Variants in ADAMTS2 observed in about 807,000 individuals in gnomAD.
ADAMTS2 encodes the protein ADAM metallopeptidase with thrombospondin type 1 motif 2, also known as A disintegrin and metalloproteinase with thrombospondin motifs 2.
A neutral mutation model predicts 123.0 loss-of-function variants in ADAMTS2; 50 were observed. The observed-to-expected ratio is 0.41, with a 90% CI of 0.32 to 0.51. The LOEUF (loss-of-function observed/expected upper bound fraction) is 0.51. Among genes scored for constraint, ADAMTS2 ranks in the 20% least tolerant of loss-of-function variants. The probability of loss-of-function intolerance (pLI) is 0.35; values close to 1 mark genes in which losing one functional copy is unlikely to be tolerated. For missense variants in ADAMTS2, 1,494 were observed against 1,705.2 expected (o/e 0.88, Z 2.18); for synonymous variants, 678 against 695.4 (o/e 0.98, Z 0.39).
chr5:179,207,475 T>TGGCC, intron 4 of ADAMTS2, 38 bp downstream of exon 4: 4 of 588,616 alleles, frequency 6.8e-6, no homozygotes, highest in Non-Finnish European at 6.4e-6. Context: ...TGGTTGACCC[T>TGGCC]CCCCGCCCCA....
chr5:179,289,819 G>A (rs1454013231), intron 2 of ADAMTS2, among the ~76,000 whole-genome samples: 1 of 152,190 alleles, frequency 6.6e-6, no homozygotes, highest in Admixed American at 6.5e-5. Context: ...TGACAGTCCT[G>A]CCAGAAACAC....
At chr5:179,246,647 T>C (rs576315091) in intron 3 of ADAMTS2, among the ~76,000 whole-genome samples, 4 of 152,178 alleles carry the variant, frequency 2.6e-5, no homozygotes, top group Admixed American at 1.3e-4. Context: ...TCTGTACAAG[T>C]AGGAAGTGAA....
Position 179,189,371 on chromosome 5 carries a change from G to C in ADAMTS2, c.892-8216C>G, listed in dbSNP as rs762722684. On this transcript the variant is annotated intron_variant, in intron 4 of 21. Coordinates refer to ENST00000251582, the MANE Select transcript of ADAMTS2 (RefSeq NM_014244.5). This position sits in a 1 kb window ranked among gnomAD's most constrained non-coding sequence, Gnocchi z 4.2. The stretch of plus-strand genomic sequence containing the variant: ...AGCAATTTTTTTTTTTTTTTGAGAC[G>C]GAGTCTCTCTCTGTTGCCCAGGTTG... Among the ~76,000 whole-genome samples the C allele has an allele frequency of 6.6e-6, 1 of 150,920 alleles. No homozygotes were observed. Among genetic ancestry groups the C allele is most frequent in the Non-Finnish European group, 1.5e-5 (1 of 67,774 alleles).
intron 5 of ADAMTS2, among the ~76,000 whole-genome samples, chr5:179,164,380 G>A (rs933766845): frequency 2.6e-5 from 4 of 152,208 alleles, no homozygotes; most frequent in Non-Finnish European, 5.9e-5. Context: ...GGATAGAAGG[G>A]GACAGTGTGG....
intron 2 of ADAMTS2, among the ~76,000 whole-genome samples, chr5:179,296,966 C>T (rs1356482353): frequency 1.3e-5 from 2 of 152,154 alleles, no homozygotes; most frequent in Non-Finnish European, 2.9e-5. Flanking sequence ...ACTGCAAACC[C>T]AGAAAGCAGG....
At chr5:179,220,654 C>T (rs2113404991) in intron 3 of ADAMTS2, among the ~76,000 whole-genome samples, 1 of 152,248 alleles carries the variant, frequency 6.6e-6, no homozygotes, top group South Asian at 2.1e-4. Context: ...TGGAACCTAC[C>T]CCTCCACGCT....
chr5:179,209,507 G>A (rs999256795), intron 3 of ADAMTS2, among the ~76,000 whole-genome samples: 2 of 139,216 alleles, frequency 1.4e-5, no homozygotes, highest in Non-Finnish European at 3.1e-5. Flanking sequence ...GTGTCCCCTC[G>A]GCGCACACAC....
At chr5:179,123,235 C>T (rs1003167027) in intron 19 of ADAMTS2, among the ~76,000 whole-genome samples, 3 of 152,204 alleles carry the variant, frequency 2.0e-5, no homozygotes, top group African/African-American at 4.8e-5. Context: ...CCTCCAGCCC[C>T]CAGCACCACC....
intron 5 of ADAMTS2, among the ~76,000 whole-genome samples, chr5:179,177,787 C>A (rs1346282329): frequency 6.6e-6 from 1 of 152,106 alleles, no homozygotes; most frequent in Non-Finnish European, 1.5e-5. Flanking sequence ...AAAGAAAAGG[C>A]TTAGGGTCGG....
intron 2 of ADAMTS2, among the ~76,000 whole-genome samples, chr5:179,295,246 T>C (rs2113549707): frequency 6.6e-6 from 1 of 152,272 alleles, no homozygotes; most frequent in South Asian, 2.1e-4. Flanking sequence ...CGGGTCTCTG[T>C]TGGGCTCCCC....
intron 3 of ADAMTS2, among the ~76,000 whole-genome samples, chr5:179,210,103 G>A (rs527404318): frequency 6.6e-6 from 1 of 152,174 alleles, no homozygotes; most frequent in African/African-American, 2.4e-5. Context: ...TAAGAGATGG[G>A]GCCACCCCAG....
intron 20 of ADAMTS2, among the ~76,000 whole-genome samples, chr5:179,122,161 C>T (rs1762775034): frequency 1.3e-5 from 2 of 152,174 alleles, no homozygotes; most frequent in Non-Finnish European, 2.9e-5. Flanking sequence ...TGCCTAGACC[C>T]CCCAGAGCTC....
intron 3 of ADAMTS2, among the ~76,000 whole-genome samples, chr5:179,237,431 C>T (rs377050129): frequency 6.6e-6 from 1 of 152,216 alleles, no homozygotes; most frequent in African/African-American, 2.4e-5. Flanking sequence ...TTGGACTTCC[C>T]AGCCTCCAGA....
chr5:179,276,388 G>A (rs749774730), intron 2 of ADAMTS2, among the ~76,000 whole-genome samples: 51 of 152,286 alleles, frequency 3.3e-4, no homozygotes, highest in Non-Finnish European at 6.9e-4. Context: ...ATTAACCCTG[G>A]GGGGCGGCAG....
chr5:179,125,025 G>T lies in ADAMTS2; in HGVS notation c.2906C>A (p.Ala969Asp). The T allele has an allele frequency of 6.2e-7, 1 of 1,607,818 alleles. No homozygotes were observed. The highest frequency in any genetic ancestry group is 8.5e-7 in the Non-Finnish European group (1 of 1,178,646). The change falls in exon 19 of 22, where the codon GCC (alanine) becomes GAC (aspartate). Residue 969 changes from alanine (A) to aspartate (D), a missense_variant. Around this residue, in one of 6 missense-constraint regions of ADAMTS2, gnomAD observed 953 missense variants for 1,124.7 expected, o/e 0.85. Transcript: ENST00000251582. ...CNDARPESRR[A>D]CSRELCPGRW... Reference sequence around the variant, plus strand: ...ACCAGGGCAGAGCTCGCGGCTGCAGGCCCGGCGGCTCTCGGGCCGGGCGTC... The same window carrying T: ...ACCAGGGCAGAGCTCGCGGCTGCAGTCCCGGCGGCTCTCGGGCCGGGCGTC...
At chr5:179,273,688 G>T (rs1766610271) in intron 2 of ADAMTS2, among the ~76,000 whole-genome samples, 1 of 152,022 alleles carries the variant, frequency 6.6e-6, no homozygotes, top group Non-Finnish European at 1.5e-5. Flanking sequence ...ACTGGCTCCA[G>T]TCCCTACTGC....
rs914375558 is a variant in ADAMTS2 at position 179,312,243 on chromosome 5, G to A, written c.534+31524C>T. On this transcript the variant is annotated intron_variant, in intron 2 of 21. Transcript: ENST00000251582. The surrounding 1 kb of genome is among the most constrained non-coding windows in gnomAD (Gnocchi z 4.2). ...AGATGGAGTGACTGCTGGATTTTCCGGGTGGGCCCAGGGATAGACAGAATG... is the reference window on the plus strand; with the variant it reads ...AGATGGAGTGACTGCTGGATTTTCCAGGTGGGCCCAGGGATAGACAGAATG... 2.0e-5 allele frequency among the ~76,000 whole-genome samples: 3 copies of A among 152,146 alleles called. No individual in the cohort carries two copies. The highest frequency in any genetic ancestry group is 2.9e-5 in the Non-Finnish European group (2 of 68,034).
At chr5:179,281,195 C>T (rs1358694410) in intron 2 of ADAMTS2, among the ~76,000 whole-genome samples, 1 of 152,232 alleles carries the variant, frequency 6.6e-6, no homozygotes, top group Non-Finnish European at 1.5e-5. Flanking sequence ...CTTTATGGTG[C>T]TGTGATTACC....
rs941814989 is a variant in ADAMTS2 at position 179,138,024 on chromosome 5, AG to A, written c.1776-81del. The A allele has an allele frequency of 6.9e-5, 101 of 1,474,430 alleles. No individual in the cohort carries two copies. The African/African-American group carries it at 1.3e-3, about 19-fold the overall frequency. 91.3% of individuals were successfully genotyped at this position (1,474,430 alleles called of 1,614,324 possible). ...CCGGGTGCCCTTGTGAGATCTTTTT[AG>A]GGGGGATCCCTAAGTCTCAGGTGTC... On this transcript the variant is annotated intron_variant, in intron 11 of 21. Coordinates refer to ENST00000251582, the MANE Select transcript of ADAMTS2 (RefSeq NM_014244.5).
Sources: allele counts gnomAD v4.1 joint callset (sites outside exome capture counted in the v4.1 genomes callset), GRCh38; gene constraint gnomAD v4.1.1; regional missense constraint gnomAD v4.1.1; non-coding constraint Gnocchi (gnomAD v3.1); transcripts MANE v1.5; gene names NCBI Gene and HGNC (gene_info 2026-07-23, HGNC 2026-07-21).